The following CADM4 variants were observed in gnomAD, a reference collection of about 807,000 sequenced individuals.
CADM4 encodes cell adhesion molecule 4.
A neutral mutation model predicts 43.9 loss-of-function variants in CADM4; 13 were observed. The ratio of observed to expected loss-of-function variants is 0.30; its 90% CI spans 0.19 to 0.47. The LOEUF is 0.47. Among genes scored for constraint, CADM4 ranks in the 20% least tolerant of loss-of-function variants. The pLI, the probability that CADM4 is intolerant of heterozygous loss-of-function variation, is 1.00. For synonymous variants in CADM4, 209 were observed against 220.9 expected (o/e 0.95, Z 0.48); for missense variants, 420 against 527.0 (o/e 0.80, Z 1.99).
upstream of CADM4, among the ~76,000 whole-genome samples, chr19:43,640,453 G>A (rs560622513): frequency 7.5e-3 from 1,145 of 151,894 alleles, 8 homozygotes; most frequent in African/African-American, 0.026. Context: ...GGCAGGTCAA[G>A]GATCTCCCAG....
At chr19:43,624,092 G>T in intron 8 of CADM4, 22 bp downstream of exon 8, 1 of 1,613,886 alleles carries the variant, frequency 6.2e-7, no homozygotes, top group Non-Finnish European at 8.5e-7. Context: ...CAACCGTAGA[G>T]TCCAGGCCCC....
In CADM4 at chr19:43,626,684, T is replaced by C; in HGVS notation, c.499+100A>G. On this transcript the variant is annotated intron_variant, in intron 4 of 8. Coordinates refer to ENST00000222374, the MANE Select transcript of CADM4 (RefSeq NM_145296.2). This position sits in a 1 kb window ranked among gnomAD's most constrained non-coding sequence, Gnocchi z 5.9. Reference sequence around the variant, plus strand: ...GACATCAACCACTACATATTGAATGTCCAGTGTCTGTGAAAACCTGTGGCT... The same window carrying C: ...GACATCAACCACTACATATTGAATGCCCAGTGTCTGTGAAAACCTGTGGCT... The C allele has an allele frequency of 7.0e-7, 1 of 1,421,556 alleles. No homozygotes were observed. Among genetic ancestry groups the C allele is most frequent in the Non-Finnish European group, 9.4e-7 (1 of 1,063,090 alleles). 88.1% of individuals were successfully genotyped at this position (1,421,556 alleles called of 1,614,324 possible). A position where few individuals can be genotyped will look rare whatever the true frequency, so the allele number is the denominator to read the frequency against.
upstream of CADM4, among the ~76,000 whole-genome samples, chr19:43,640,161 C>T (rs1272492744): frequency 2.0e-5 from 3 of 147,602 alleles, no homozygotes; most frequent in Non-Finnish European, 4.5e-5. Flanking sequence ...TGCGGAGTTG[C>T]TGGCATGCAG....
At position 43,627,512 on chromosome 19, in the gene CADM4, C is replaced by T. The variant is rs1568541409; in HGVS notation, c.211+132G>A. 6 of 1,247,660 alleles carry T rather than the reference C, an allele frequency of 4.8e-6. No individual in the cohort carries two copies. Among genetic ancestry groups the T allele is most frequent in the Middle Eastern group, 2.8e-4 (1 of 3,570 alleles). 77.3% of individuals were successfully genotyped at this position (1,247,660 alleles called of 1,614,324 possible). A position where few individuals can be genotyped will look rare whatever the true frequency, so the allele number is the denominator to read the frequency against. ...CCTCCTGCCTGCAGGACCAGCAGTCCGGGACCCCAGCCCTTTCTTCTCCGA... is the reference window on the plus strand; with the variant it reads ...CCTCCTGCCTGCAGGACCAGCAGTCTGGGACCCCAGCCCTTTCTTCTCCGA... On this transcript the variant is annotated intron_variant, in intron 2 of 8. Coordinates refer to ENST00000222374, the MANE Select transcript of CADM4 (RefSeq NM_145296.2). This position sits in a 1 kb window ranked among gnomAD's most constrained non-coding sequence, Gnocchi z 4.0.
At chr19:43,629,764 A>G (rs997967891) in intron 1 of CADM4, among the ~76,000 whole-genome samples, 2 of 151,732 alleles carry the variant, frequency 1.3e-5, no homozygotes, top group Non-Finnish European at 2.9e-5. Context: ...AATTACAGGC[A>G]TGCACCACCA....
chr19:43,639,878 C>A (rs913799669), upstream of CADM4: 1 of 965,728 alleles, frequency 1.0e-6, no homozygotes, highest in African/African-American at 1.8e-5. Context: ...CGCCCCGCCC[C>A]CTGCCCGCCC....
upstream of CADM4, among the ~76,000 whole-genome samples, chr19:43,641,869 G>A (rs147075966): frequency 6.5e-3 from 992 of 152,188 alleles, 14 homozygotes; most frequent in African/African-American, 0.021. Context: ...GCCTTTTCCC[G>A]CAGGAGCCAA....
chr19:43,639,691 C>G, intron 1 of CADM4, 36 bp downstream of exon 1: 1 of 984,072 alleles, frequency 1.0e-6, no homozygotes, highest in Non-Finnish European at 1.2e-6. Context: ...GCCCCCCGCC[C>G]CAGCCCGGCC....
In CADM4 at chr19:43,628,190, C is replaced by T. The variant is rs141438295; in HGVS notation, c.65-400G>A. 8.6e-5 allele frequency among the ~76,000 whole-genome samples: 13 copies of T among 151,550 alleles called. No homozygotes were observed. The East Asian group carries it at 2.5e-3, about 29-fold the overall frequency. On this transcript the variant is annotated intron_variant, in intron 1 of 8. Transcript: ENST00000222374. ...CCTGTAATCCCAGCACTTTGAGAGG[C>T]CGAGGTGGGCGGATCGCAAGGTCAA...
intron 1 of CADM4, among the ~76,000 whole-genome samples, chr19:43,628,271 A>G (rs78705880): frequency 6.8e-6 from 1 of 146,158 alleles, no homozygotes; most frequent in African/African-American, 2.5e-5. Context: ...TAAAAATACA[A>G]AAAAAAAAAA....
At chr19:43,636,690 G>C (rs1480374233) in intron 1 of CADM4, among the ~76,000 whole-genome samples, 1 of 148,156 alleles carries the variant, frequency 6.7e-6, no homozygotes, top group Admixed American at 6.7e-5. Flanking sequence ...CCCAGCCTTA[G>C]GCCCCAGCCC....
chr19:43,626,923 C>A lies in CADM4; in HGVS notation c.365-5G>T, dbSNP rs760906646. On this transcript the variant is annotated splice_region_variant and splice_polypyrimidine_tract_variant and intron_variant, in intron 3 of 8. Coordinates refer to ENST00000222374, the MANE Select transcript of CADM4 (RefSeq NM_145296.2). This position sits in a 1 kb window ranked among gnomAD's most constrained non-coding sequence, Gnocchi z 5.9. ...CCACAGGATTCTCTGGGGCCACTGCCGCAGGGAGAAGGGAAGTAAGGGGTT... is the reference window on the plus strand; with the variant it reads ...CCACAGGATTCTCTGGGGCCACTGCAGCAGGGAGAAGGGAAGTAAGGGGTT... 5.7e-6 allele frequency: 9 copies of A among 1,591,464 alleles called. No individual in the cohort carries two copies. The Admixed American group carries it at 1.0e-4, about 18-fold the overall frequency.
rs1600096124 is a variant in CADM4 at position 43,626,659 on chromosome 19, G to A, written c.499+125C>T. 3 of 1,296,084 alleles carry A rather than the reference G, an allele frequency of 2.3e-6. No individual in the cohort carries two copies. The highest frequency in any genetic ancestry group is 3.1e-6 in the Non-Finnish European group (3 of 964,246). The allele number at this position is 1,296,084 out of a possible 1,614,324, so 80.3% of individuals were successfully genotyped here. ...ACTACAGGCGTGAGCCACCGCGCTC[G>A]ACATCAACCACTACATATTGAATGT... On this transcript the variant is annotated intron_variant, in intron 4 of 8. Transcript: ENST00000222374. The surrounding 1 kb of genome is among the most constrained non-coding windows in gnomAD (Gnocchi z 5.9).
intron 7 of CADM4, chr19:43,624,688 T>C (rs1416401355): frequency 7.3e-6 from 2 of 273,072 alleles, no homozygotes; most frequent in African/African-American, 4.4e-5. Flanking sequence ...CCACCTTGTC[T>C]AAAACGCTCC....
rs773391244 is a variant in CADM4 at position 43,627,826 on chromosome 19, T to C, written c.65-36A>G. On this transcript the variant is annotated intron_variant, in intron 1 of 8. Transcript: ENST00000222374. The surrounding 1 kb of genome is among the most constrained non-coding windows in gnomAD (Gnocchi z 4.0). ...AGACAAAGAGACAGGATAGAAGACT[T>C]ACTGAGAGCTGCAATTCAATTTTTT... 6.3e-7 allele frequency: 1 copy of C among 1,577,984 alleles called. No homozygotes were observed. Among genetic ancestry groups the C allele is most frequent in the South Asian group, 1.1e-5 (1 of 89,412 alleles).
chr19:43,626,774 C>G lies in CADM4; in HGVS notation c.499+10G>C. 6.4e-7 allele frequency: 1 copy of G among 1,571,894 alleles called. No homozygotes were observed. On this transcript the variant is annotated intron_variant, in intron 4 of 8. Coordinates refer to ENST00000222374, the MANE Select transcript of CADM4 (RefSeq NM_145296.2). The surrounding 1 kb of genome is among the most constrained non-coding windows in gnomAD (Gnocchi z 5.9). Reference sequence around the variant, plus strand: ...CTCCCCATCCCTTGTCAGCACTCGGCCCAGGGTACCTTTCAGCTCCTTGCG... The same window carrying G: ...CTCCCCATCCCTTGTCAGCACTCGGGCCAGGGTACCTTTCAGCTCCTTGCG...
rs771078946 is a variant in CADM4, at chr19:43,625,255, G to A, written c.756-5C>T. 4.3e-6 allele frequency: 7 copies of A among 1,613,110 alleles called. No individual in the cohort carries two copies. The highest frequency in any genetic ancestry group is 5.1e-6 in the Non-Finnish European group (6 of 1,179,472). ...TTCCAGCGGATCTGGTTTGGCCTGG[G>A]TGGGGATAAAGTATAGTGAGAGTTA... On this transcript the variant is annotated splice_polypyrimidine_tract_variant and splice_region_variant and intron_variant, in intron 6 of 8. Transcript: ENST00000222374. The surrounding 1 kb of genome is among the most constrained non-coding windows in gnomAD (Gnocchi z 4.5).
upstream of CADM4, among the ~76,000 whole-genome samples, chr19:43,640,065 A>T (rs1476386410): frequency 2.9e-5 from 4 of 135,678 alleles, no homozygotes; most frequent in Non-Finnish European, 6.4e-5. Context: ...GCGGCGTGGG[A>T]GCAGGTGGGG....
intron 1 of CADM4, among the ~76,000 whole-genome samples, chr19:43,639,153 G>C (rs918312604): frequency 2.0e-5 from 3 of 151,848 alleles, no homozygotes; most frequent in African/African-American, 7.3e-5. Context: ...AAGAATAGGG[G>C]CAGAGAGGGA....
Sources: gnomAD v4.1 joint callset for allele counts (sites outside exome capture counted in the v4.1 genomes callset) on GRCh38, gnomAD v4.1.1 for gene constraint, Gnocchi (gnomAD v3.1) non-coding constraint, MANE v1.5 for transcripts, NCBI Gene and HGNC (gene_info 2026-07-23, HGNC 2026-07-21) for gene names.